PDSS2: variants seen among roughly 807,000 people sequenced by gnomAD.
The protein encoded by PDSS2 is all trans-polyprenyl-diphosphate synthase PDSS2.
In PDSS2, 31 loss-of-function variants were observed where a neutral mutation model predicts 44.5. The observed-to-expected ratio is 0.70, with a 90% confidence interval of 0.52 to 0.94. The LOEUF (loss-of-function observed/expected upper bound fraction) is 0.94, where lower values mean the gene tolerates loss of function less well. Ranked by LOEUF, PDSS2 falls within the 40% of genes least tolerant of loss-of-function variation. PDSS2 has a pLI of 0.00. For synonymous variants in PDSS2, 157 were observed against 180.3 expected, an observed-to-expected ratio of 0.87 and a Z score of 1.03; for missense variants, 452 against 482.2, an observed-to-expected ratio of 0.94 and a Z score of 0.59.
intron 3 of PDSS2, 40 bp from the exon 4 acceptor site, chr6:107,245,659 A>G (rs756144426): frequency 2.3e-5 from 28 of 1,233,952 alleles, no homozygotes; most frequent in Non-Finnish European, 3.0e-5. Context: ...AAAAATTTAA[A>G]TATATCTCTA....
intron 1 of PDSS2, among the ~76,000 whole-genome samples, chr6:107,434,363 T>G (rs566804970): frequency 4.6e-5 from 7 of 152,310 alleles, no homozygotes; most frequent in Non-Finnish European, 1.0e-4. Flanking sequence ...TAAGTGTCCA[T>G]GAACAGATGA....
intron 1 of PDSS2, among the ~76,000 whole-genome samples, chr6:107,378,349 T>C (rs1779354386): frequency 1.3e-5 from 2 of 151,820 alleles, no homozygotes; most frequent in African/African-American, 4.8e-5. Context: ...TGATTATCTA[T>C]GTAGAAAATC....
chr6:107,173,571 T>TAAAA (rs1771673898), intron 7 of PDSS2, among the ~76,000 whole-genome samples: 1 of 6,702 alleles, frequency 1.5e-4, no homozygotes, highest in Non-Finnish European at 3.2e-4. Flanking sequence ...AGACTCTGTC[T>TAAAA]CAAAAAAAAA....
chr6:107,304,375 G>A lies in PDSS2; in HGVS notation c.431+29823C>T, dbSNP rs1231300438. ...ACTTTTTGTCATTTCTGCATATTCCGCATGTACTCTTATATACGTAACGCT... is the reference window on the plus strand; with the variant it reads ...ACTTTTTGTCATTTCTGCATATTCCACATGTACTCTTATATACGTAACGCT... On this transcript the variant is annotated intron_variant, in intron 2 of 7. Coordinates refer to ENST00000369037, the MANE Select transcript of PDSS2 (RefSeq NM_020381.4). 6.6e-5 allele frequency among the ~76,000 whole-genome samples: 10 copies of A among 152,160 alleles called. No homozygotes were observed. In the East Asian group the frequency reaches 7.7e-4, roughly 12 times the overall value.
intron 3 of PDSS2, among the ~76,000 whole-genome samples, chr6:107,268,836 T>C (rs1775494092): frequency 6.6e-6 from 1 of 152,196 alleles, no homozygotes; most frequent in African/African-American, 2.4e-5. Context: ...ATGGAGGACA[T>C]AATTCTAATT....
chr6:107,161,191 T>C (rs370886051), intron 7 of PDSS2, among the ~76,000 whole-genome samples: 1 of 151,752 alleles, frequency 6.6e-6, no homozygotes, highest in African/African-American at 2.4e-5. Context: ...AAGAAATTTG[T>C]ACTTTTTGGC....
intron 7 of PDSS2, among the ~76,000 whole-genome samples, chr6:107,170,086 C>T (rs1289745042): frequency 1.3e-5 from 2 of 152,190 alleles, no homozygotes; most frequent in African/African-American, 2.4e-5. Context: ...GTGGAGTCTA[C>T]AGAGGCAGGC....
chr6:107,314,719 G>T (rs1777149525), intron 2 of PDSS2, among the ~76,000 whole-genome samples: 1 of 152,158 alleles, frequency 6.6e-6, no homozygotes, highest in Admixed American at 6.5e-5. Context: ...AGTACGCAAG[G>T]TTAAAACCAT....
In PDSS2 at chr6:107,238,898, A is replaced by AT. The variant is rs201737210; in HGVS notation, c.702+6649dup. Among the ~76,000 whole-genome samples, 718 of 148,730 alleles carry AT rather than the reference A, an allele frequency of 4.8e-3. 5 individuals are homozygous for AT. Among genetic ancestry groups the AT allele is most frequent in the African/African-American group, 0.014 (554 of 40,802 alleles). ...TTGATTTAAGAATCTCACTTTCAGG[A>AT]TTTTTTTTTTTAAGCAAATAGTATG... is the stretch of plus-strand genomic sequence containing the variant. On this transcript the variant is annotated intron_variant, in intron 4 of 7. Transcript: ENST00000369037.
intron 1 of PDSS2, among the ~76,000 whole-genome samples, chr6:107,345,153 C>T (rs919406756): frequency 6.6e-6 from 1 of 151,836 alleles, no homozygotes. Context: ...CTGTGAATTA[C>T]ACCTCCCACT....
At chr6:107,451,228 T>C (rs1434119306) in intron 1 of PDSS2, among the ~76,000 whole-genome samples, 1 of 152,246 alleles carries the variant, frequency 6.6e-6, no homozygotes, top group African/African-American at 2.4e-5. Flanking sequence ...CTAGTTTATC[T>C]GCATCGTTAC....
chr6:107,242,386 C>G (rs1259319943), intron 4 of PDSS2, among the ~76,000 whole-genome samples: 1 of 151,946 alleles, frequency 6.6e-6, no homozygotes, highest in Non-Finnish European at 1.5e-5. Context: ...GCCTCAGCCT[C>G]CTGAGTAGCT....
chr6:107,276,114 C>CAAAAAAAAAAAAAAAAAAAA (rs57590944), intron 2 of PDSS2, among the ~76,000 whole-genome samples: 1 of 90,126 alleles, frequency 1.1e-5, no homozygotes, highest in Non-Finnish European at 2.0e-5. Flanking sequence ...GACCCTATCT[C>CAAAAAAAAAAAAAAAAAAAA]AAAAAAAAGG....
chr6:107,416,044 T>C (rs1374617473), intron 1 of PDSS2, among the ~76,000 whole-genome samples: 1 of 152,220 alleles, frequency 6.6e-6, no homozygotes, highest in Admixed American at 6.5e-5. Flanking sequence ...TGTATTTCTT[T>C]ATAGAATTAG....
chr6:107,228,746 AC>A (rs760257300), intron 4 of PDSS2, among the ~76,000 whole-genome samples: 1 of 148,914 alleles, frequency 6.7e-6, no homozygotes, highest in Non-Finnish European at 1.5e-5. Context: ...AAACAAACAA[AC>A]AAAACAAATT....
At chr6:107,363,218 A>G (rs548593490) in intron 1 of PDSS2, among the ~76,000 whole-genome samples, 4 of 152,376 alleles carry the variant, frequency 2.6e-5, no homozygotes, top group Non-Finnish European at 5.9e-5. Flanking sequence ...ACAGAGATAT[A>G]CACATAGACA....
At chr6:107,224,484 G>A (rs1438030527) in intron 4 of PDSS2, among the ~76,000 whole-genome samples, 1 of 151,438 alleles carries the variant, frequency 6.6e-6, no homozygotes, top group Non-Finnish European at 1.5e-5. Context: ...CCAGGCTGAT[G>A]ATAAAGACAA....
At chr6:107,167,235 A>G (rs1771383979) in intron 7 of PDSS2, among the ~76,000 whole-genome samples, 1 of 151,342 alleles carries the variant, frequency 6.6e-6, no homozygotes, top group Non-Finnish European at 1.5e-5. Flanking sequence ...GAATTTATGC[A>G]TTTCTTCTAG....
chr6:107,337,274 C>T (rs1777934995), intron 1 of PDSS2, among the ~76,000 whole-genome samples: 1 of 152,092 alleles, frequency 6.6e-6, no homozygotes, highest in African/African-American at 2.4e-5. Context: ...GTCTAAGGTA[C>T]CATACCTGGT....
Sources: allele counts gnomAD v4.1 joint callset (sites outside exome capture counted in the v4.1 genomes callset), GRCh38; gene constraint gnomAD v4.1.1; transcripts MANE v1.5; gene names NCBI Gene and HGNC (gene_info 2026-07-23, HGNC 2026-07-21).